CFAP58: variants seen among roughly 807,000 people sequenced by gnomAD.
CFAP58 encodes the protein cilia and flagella associated protein 58.
In CFAP58, 88 loss-of-function variants were observed where a neutral mutation model predicts 119.5. The ratio of observed to expected loss-of-function variants is 0.74; its 90% CI spans 0.62 to 0.88. The LOEUF is 0.88. CFAP58 is among the 40% of genes least tolerant of loss of function. CFAP58 has a pLI of 0.00. For synonymous variants in CFAP58, 365 were observed against 366.3 expected (o/e 1.00, Z 0.04); for missense variants, 990 against 1,021.2 (o/e 0.97, Z 0.42).
the CFAP58 span, among the ~76,000 whole-genome samples, chr10:104,347,665 G>C: frequency 1.3e-5 from 2 of 152,112 alleles, no homozygotes; most frequent in Non-Finnish European, 2.9e-5. Context: ...CAGGATCTGT[G>C]TTGATGCAGG....
chr10:104,381,269 C>T (rs1382264298), intron 9 of CFAP58, among the ~76,000 whole-genome samples: 2 of 152,188 alleles, frequency 1.3e-5, no homozygotes, highest in African/African-American at 4.8e-5. Context: ...AGAGAGAAGG[C>T]TCGAGGATAT....
Position 104,418,564 on chromosome 10 carries a change from C to A in CFAP58, c.2256+11771C>A, listed in dbSNP as rs554979033. Among the ~76,000 whole-genome samples the A allele has an allele frequency of 2.8e-3, 431 of 152,146 alleles. 1 individual carries two copies. The highest frequency in any genetic ancestry group is 6.4e-3 in the African/African-American group (265 of 41,528). ...CTCCGCCTCAAAACAAAAACAAAAT[C>A]AAAAACAAACCTTAGTCATTGGAAT... On this transcript the variant is annotated intron_variant, in intron 15 of 17. Coordinates refer to ENST00000369704, the MANE Select transcript of CFAP58 (RefSeq NM_001008723.2).
chr10:104,447,567 G>A, intron 15 of CFAP58, 131 bp from the exon 16 acceptor site: 1 of 1,085,522 alleles, frequency 9.2e-7, no homozygotes, highest in Non-Finnish European at 1.3e-6. Flanking sequence ...GAATCTGTGA[G>A]TGAATGTGAT....
At chr10:104,408,852 G>T (rs925281722) in intron 15 of CFAP58, among the ~76,000 whole-genome samples, 1 of 152,012 alleles carries the variant, frequency 6.6e-6, no homozygotes, top group South Asian at 2.1e-4. Flanking sequence ...TAATCCCAGC[G>T]CGTTGGGAGG....
intron 7 of CFAP58, among the ~76,000 whole-genome samples, chr10:104,374,161 T>C (rs2014858413): frequency 6.6e-6 from 1 of 152,080 alleles, no homozygotes; most frequent in Admixed American, 6.6e-5. Context: ...GGGCTTCTTT[T>C]AAAAATCCAC....
chr10:104,449,161 G>GTT (rs35684849), intron 16 of CFAP58, among the ~76,000 whole-genome samples: 13,310 of 142,124 alleles, frequency 0.094, 938 homozygotes, highest in African/African-American at 0.2. Context: ...ACTGAGACAG[G>GTT]TTTTTTTTTT....
the CFAP58 span, among the ~76,000 whole-genome samples, chr10:104,344,498 A>G: frequency 6.6e-6 from 1 of 152,198 alleles, no homozygotes; most frequent in African/African-American, 2.4e-5. Flanking sequence ...AGCACAGTTG[A>G]GTAGCTGCCA....
intron 1 of CFAP58, among the ~76,000 whole-genome samples, chr10:104,357,845 GTACACATATATACACA>G (rs1564875534): frequency 0.016 from 1,460 of 91,450 alleles, 86 homozygotes; most frequent in African/African-American, 0.088. Flanking sequence ...GTACACATAT[GTACACATATATACACA>G]TATATACACA....
Position 104,354,954 on chromosome 10 carries a change from C to G in CFAP58, c.9+1048C>G, listed in dbSNP as rs541831475. Among the ~76,000 whole-genome samples the G allele has an allele frequency of 9.2e-5, 14 of 152,160 alleles. No homozygotes were observed. The South Asian group carries it at 2.9e-3, about 32-fold the overall frequency. On this transcript the variant is annotated intron_variant, in intron 1 of 17. Coordinates refer to ENST00000369704, the MANE Select transcript of CFAP58 (RefSeq NM_001008723.2). The stretch of plus-strand genomic sequence containing the variant: ...TGCTTCCTCTGCACCATTCACATCC[C>G]CTCATCATTGCTTTTCCTCCATCTC...
chr10:104,396,835 A>G (rs1186154716), intron 11 of CFAP58, among the ~76,000 whole-genome samples: 3 of 152,176 alleles, frequency 2.0e-5, no homozygotes, highest in Non-Finnish European at 4.4e-5. Context: ...CCTGGGTGAG[A>G]TGGCTCAGTT....
chr10:104,380,562 AC>A (rs2011771709), intron 9 of CFAP58, among the ~76,000 whole-genome samples: 1 of 151,958 alleles, frequency 6.6e-6, no homozygotes, highest in African/African-American at 2.4e-5. Flanking sequence ...CAGTCTCCGC[AC>A]CCACCCAGCA....
intron 15 of CFAP58, among the ~76,000 whole-genome samples, chr10:104,408,003 C>A (rs2012393702): frequency 6.6e-6 from 1 of 152,128 alleles, no homozygotes; most frequent in Non-Finnish European, 1.5e-5. Flanking sequence ...GCCCCAAAGC[C>A]CATAATTTTA....
intron 15 of CFAP58, among the ~76,000 whole-genome samples, chr10:104,431,204 C>A (rs1443869452): frequency 2.6e-5 from 4 of 152,212 alleles, no homozygotes; most frequent in African/African-American, 9.6e-5. Context: ...TCAACAAACA[C>A]TGAGTACCAG....
intron 9 of CFAP58, among the ~76,000 whole-genome samples, chr10:104,384,483 G>A (rs1471761293): frequency 2.6e-5 from 4 of 152,184 alleles, no homozygotes; most frequent in African/African-American, 9.7e-5. Flanking sequence ...GGAGCCTATG[G>A]GAAAACATGC....
At chr10:104,413,706 A>ACATCATCATCATCATCAT (rs199893413) in intron 15 of CFAP58, among the ~76,000 whole-genome samples, 1 of 143,760 alleles carries the variant, frequency 7.0e-6, no homozygotes, top group Admixed American at 6.8e-5. Flanking sequence ...GGGTATCATT[A>ACATCATCATCATCATCAT]CATCATCATC....
upstream of CFAP58, among the ~76,000 whole-genome samples, chr10:104,351,009 T>C (rs745788934): frequency 6.6e-6 from 1 of 152,206 alleles, no homozygotes; most frequent in Non-Finnish European, 1.5e-5. Flanking sequence ...ATTTTTGTTA[T>C]ATACTTTCAG....
At chr10:104,358,079 A>T (rs2014615322) in intron 1 of CFAP58, among the ~76,000 whole-genome samples, 1 of 148,206 alleles carries the variant, frequency 6.7e-6, no homozygotes, top group South Asian at 2.1e-4. Flanking sequence ...ATATGTACAT[A>T]TATATACACA....
upstream of CFAP58, among the ~76,000 whole-genome samples, chr10:104,349,535 C>A (rs899250010): frequency 6.6e-6 from 1 of 152,150 alleles, no homozygotes; most frequent in African/African-American, 2.4e-5. Context: ...GCTCTATCTC[C>A]AAATACCATC....
intron 11 of CFAP58, among the ~76,000 whole-genome samples, chr10:104,398,896 T>TCC (rs2012209764): frequency 2.6e-5 from 4 of 152,178 alleles, no homozygotes; most frequent in Admixed American, 2.0e-4. Context: ...CTAGTTTAAT[T>TCC]TTGCTTACAA....
Sources: gnomAD v4.1 joint callset for allele counts (sites outside exome capture counted in the v4.1 genomes callset) on GRCh38, gnomAD v4.1.1 for gene constraint, MANE v1.5 for transcripts, NCBI Gene and HGNC (gene_info 2026-07-23, HGNC 2026-07-21) for gene names.